ZNF536: variants seen among roughly 807,000 people sequenced by gnomAD.
The protein encoded by ZNF536 is zinc finger protein 536.
Under a neutral mutation model 84.5 loss-of-function variants are expected in ZNF536, and 13 were observed. That is an observed-to-expected ratio of 0.15 (90% CI 0.10 to 0.24). The LOEUF (loss-of-function observed/expected upper bound fraction) is 0.24. Ranked by LOEUF, ZNF536 falls within the 10% of genes least tolerant of loss-of-function variation. The probability of loss-of-function intolerance (pLI) is 1.00; values close to 1 mark genes in which losing one functional copy is unlikely to be tolerated. For missense variants in ZNF536, 1,536 were observed against 1,747.5 expected, an observed-to-expected ratio of 0.88 and a Z score of 2.16; for synonymous variants, 811 against 742.5, an observed-to-expected ratio of 1.09 and a Z score of -1.50.
rs867052573 is a variant in ZNF536, at chr19:30,466,775, A to G, written c.2170+21043A>G. Among the ~76,000 whole-genome samples the G allele has an allele frequency of 2.1e-3, 303 of 144,854 alleles. 3 individuals are homozygous for G. The highest frequency in any genetic ancestry group is 7.6e-3 in the African/African-American group (294 of 38,732). On this transcript the variant is annotated intron_variant, in intron 2 of 4. Transcript: ENST00000355537. Reference sequence around the variant, plus strand: ...AAGGAGGGAAGGAAGGAAGGAAGGAAGGAAGGAAGGAAGGAAGGAAGGAAG... The same window carrying G: ...AAGGAGGGAAGGAAGGAAGGAAGGAGGGAAGGAAGGAAGGAAGGAAGGAAG...
chr19:30,297,555 A>C (rs1337028586), intron 2 of ZNF536, among the ~76,000 whole-genome samples: 2 of 152,218 alleles, frequency 1.3e-5, no homozygotes, highest in African/African-American at 4.8e-5. Context: ...TCACCTATCA[A>C]GGGTGGTCAG....
chr19:30,493,320 A>G (rs1291917219), intron 2 of ZNF536, among the ~76,000 whole-genome samples: 1 of 152,160 alleles, frequency 6.6e-6, no homozygotes, highest in Non-Finnish European at 1.5e-5. Flanking sequence ...GAGAAAATGT[A>G]AGGCTTTGCT....
intron 1 of ZNF536, among the ~76,000 whole-genome samples, chr19:30,433,451 A>G (rs1031245309): frequency 6.6e-6 from 1 of 152,364 alleles, no homozygotes; most frequent in South Asian, 2.1e-4. Flanking sequence ...CAGTCCCACT[A>G]TATAGATCCT....
intron 2 of ZNF536, among the ~76,000 whole-genome samples, chr19:30,479,616 C>G (rs993047702): frequency 1.3e-5 from 2 of 152,330 alleles, no homozygotes; most frequent in South Asian, 4.1e-4. Context: ...GGGGCCCTCA[C>G]GCACACCCCA....
At chr19:30,225,831 C>T (rs1404499610), upstream of ZNF536, among the ~76,000 whole-genome samples, 1 of 150,664 alleles carries the variant, frequency 6.6e-6, no homozygotes, top group Non-Finnish European at 1.5e-5. Flanking sequence ...TCCCCCTCCC[C>T]ATCTCGGCGA....
At chr19:30,292,061 A>G (rs1003306384) in intron 2 of ZNF536, among the ~76,000 whole-genome samples, 1 of 152,174 alleles carries the variant, frequency 6.6e-6, no homozygotes, top group Non-Finnish European at 1.5e-5. Flanking sequence ...AGCCTAAAAT[A>G]GTTACCACCT....
chr19:30,427,035 G>T (rs1365635672), intron 1 of ZNF536, among the ~76,000 whole-genome samples: 1 of 152,262 alleles, frequency 6.6e-6, no homozygotes, highest in African/African-American at 2.4e-5. Flanking sequence ...TAAATTTCTT[G>T]AGTGAGGTAA....
At chr19:30,691,721 G>A (rs560259967) in intron 1 of ZNF536, among the ~76,000 whole-genome samples, 3 of 152,122 alleles carry the variant, frequency 2.0e-5, no homozygotes, top group African/African-American at 4.8e-5. Context: ...GCTTCAGAAG[G>A]CATCATCAGA....
intron 2 of ZNF536, among the ~76,000 whole-genome samples, chr19:30,523,662 T>A (rs2044457869): frequency 6.6e-6 from 1 of 152,172 alleles, no homozygotes; most frequent in Non-Finnish European, 1.5e-5. Context: ...CAGCAGAGAT[T>A]TGTGGAACTC....
At chr19:30,560,809 T>C (rs2046136547), downstream of ZNF536, among the ~76,000 whole-genome samples, 1 of 152,258 alleles carries the variant, frequency 6.6e-6, no homozygotes, top group South Asian at 2.1e-4. Context: ...GTATAGTCAC[T>C]TTTTCTCAAA....
At chr19:30,671,862 C>T (rs1057328636) in intron 1 of ZNF536, among the ~76,000 whole-genome samples, 1 of 152,194 alleles carries the variant, frequency 6.6e-6, no homozygotes. Context: ...CTGAGAATGT[C>T]CTTCTAGTCC....
intron 1 of ZNF536, among the ~76,000 whole-genome samples, chr19:30,384,104 CTTTCTTTCTT>C (rs1568377876): frequency 0.014 from 819 of 56,872 alleles, 19 homozygotes; most frequent in South Asian, 0.033. Flanking sequence ...CTTTCTCTTT[CTTTCTTTCTT>C]TCTTTCTTTC....
At chr19:30,531,706 C>T (rs898826440) in intron 2 of ZNF536, among the ~76,000 whole-genome samples, 3 of 152,098 alleles carry the variant, frequency 2.0e-5, no homozygotes, top group African/African-American at 7.2e-5. Flanking sequence ...CTCATTGCAG[C>T]CTCGACCTCT....
intron 3 of ZNF536, among the ~76,000 whole-genome samples, chr19:30,535,395 A>G (rs541342409): frequency 3.3e-5 from 5 of 152,260 alleles, no homozygotes; most frequent in South Asian, 2.1e-4. Flanking sequence ...TAAGTGCAGA[A>G]GGGAATGAAG....
intron 1 of ZNF536, among the ~76,000 whole-genome samples, chr19:30,404,338 A>C (rs899277802): frequency 6.6e-6 from 1 of 152,086 alleles, no homozygotes; most frequent in South Asian, 2.1e-4. Context: ...GTTTTCTGGC[A>C]CCCCAGCATC....
At chr19:30,367,681 G>T, upstream of ZNF536, among the ~76,000 whole-genome samples, 1 of 152,226 alleles carries the variant, frequency 6.6e-6, no homozygotes, top group East Asian at 1.9e-4. Context: ...CCTGGGAAGT[G>T]CTGGTGATGC....
exon 2 of ZNF536, chr19:30,712,178 G>C (rs1410993639): frequency 6.6e-6 from 1 of 151,858 alleles, no homozygotes; most frequent in African/African-American, 2.4e-5. Context: ...TCTACTGATT[G>C]GATACTCCAA....
chr19:30,712,819 C>T (rs549345288), exon 2 of ZNF536: 15 of 151,884 alleles, frequency 9.9e-5, no homozygotes, highest in African/African-American at 2.2e-4. Context: ...GAAAACTTTC[C>T]GACTGTAGTA....
intron 1 of ZNF536, among the ~76,000 whole-genome samples, chr19:30,680,617 G>A (rs1483421443): frequency 6.6e-6 from 1 of 152,070 alleles, no homozygotes; most frequent in Non-Finnish European, 1.5e-5. Flanking sequence ...ATTCCATGAT[G>A]TATATGTGCC....
Sources: allele counts gnomAD v4.1 joint callset (sites outside exome capture counted in the v4.1 genomes callset), GRCh38; gene constraint gnomAD v4.1.1; transcripts MANE v1.5; gene names NCBI Gene and HGNC (gene_info 2026-07-23, HGNC 2026-07-21).